The following GNG7 variants were observed in gnomAD, a reference collection of about 807,000 sequenced individuals.
GNG7 encodes the protein G protein subunit gamma 7.
A neutral mutation model predicts 4.0 loss-of-function variants in GNG7; 1 was observed. That is an observed-to-expected ratio of 0.25 (90% CI 0.09 to 1.18). GNG7 has a LOEUF of 1.18. GNG7 is among the 50% of genes most tolerant of loss of function. The probability of loss-of-function intolerance (pLI) is 0.50; values close to 1 mark genes in which losing one functional copy is unlikely to be tolerated. For synonymous variants in GNG7, 34 were observed against 36.9 expected (o/e 0.92, Z 0.29); for missense variants, 86 against 91.9 (o/e 0.94, Z 0.26).
intron 1 of GNG7, among the ~76,000 whole-genome samples, chr19:2,694,692 C>T (rs1003851029): frequency 3.9e-5 from 6 of 152,094 alleles, no homozygotes; most frequent in African/African-American, 1.2e-4. Flanking sequence ...TGTGTGCAGC[C>T]TCCTGGGACC....
rs1033057385 is a variant in GNG7 at position 2,561,241 on chromosome 19, G to T, written c.-77-6053C>A. Among the ~76,000 whole-genome samples, 8 of 152,254 alleles carry T rather than the reference G, an allele frequency of 5.3e-5. No homozygotes were observed. In the South Asian group the frequency reaches 1.5e-3, roughly 28 times the overall value. ...AACCAGGATGATTCTGCTCCCAGGG[G>T]ATGCTGGGCCATGTCTGGGGACATC... On this transcript the variant is annotated intron_variant, in intron 2 of 4. Transcript: ENST00000382159.
intron 2 of GNG7, among the ~76,000 whole-genome samples, chr19:2,622,228 C>T (rs1208331094): frequency 1.3e-5 from 2 of 152,048 alleles, no homozygotes; most frequent in Admixed American, 6.6e-5. Flanking sequence ...TACAGGCGCC[C>T]GCCACCACAC....
intron 2 of GNG7, among the ~76,000 whole-genome samples, chr19:2,603,897 C>A (rs922799377): frequency 6.6e-6 from 1 of 151,878 alleles, no homozygotes; most frequent in African/African-American, 2.4e-5. Context: ...GTCACCCAGG[C>A]TGGAGTGCAG....
chr19:2,625,873 C>T lies in GNG7; in HGVS notation c.-78+20351G>A, dbSNP rs145010700. The stretch of plus-strand genomic sequence containing the variant: ...TGCTCACTGATGCTCACCGCAACTC[C>T]GCCTCCCGGGTTCAAGCGATTCTCC... On this transcript the variant is annotated intron_variant, in intron 2 of 4. Coordinates refer to ENST00000382159, the MANE Select transcript of GNG7 (RefSeq NM_052847.3). 2.5e-3 allele frequency among the ~76,000 whole-genome samples: 377 copies of T among 152,226 alleles called. 2 individuals carry two copies. Among genetic ancestry groups the T allele is most frequent in the Non-Finnish European group, 4.0e-3 (271 of 68,000 alleles).
At chr19:2,699,601 A>C (rs1913351567) in intron 1 of GNG7, among the ~76,000 whole-genome samples, 1 of 152,170 alleles carries the variant, frequency 6.6e-6, no homozygotes, top group Non-Finnish European at 1.5e-5. Flanking sequence ...TAAAGGAGAA[A>C]ATAAATCAGT....
intron 2 of GNG7, among the ~76,000 whole-genome samples, chr19:2,581,307 C>T (rs933644951): frequency 7.6e-4 from 5 of 6,598 alleles, no homozygotes; most frequent in Non-Finnish European, 1.2e-3. Flanking sequence ...GGGGGGGCCG[C>T]GGGGGTGGAG....
At chr19:2,600,074 T>C (rs1354111994) in intron 2 of GNG7, among the ~76,000 whole-genome samples, 2 of 150,914 alleles carry the variant, frequency 1.3e-5, no homozygotes, top group East Asian at 3.9e-4. Flanking sequence ...AATAAATATA[T>C]ATAAATATGA....
chr19:2,696,618 A>T (rs1360091695), intron 1 of GNG7, among the ~76,000 whole-genome samples: 1 of 152,234 alleles, frequency 6.6e-6, no homozygotes, highest in Non-Finnish European at 1.5e-5. Flanking sequence ...GCACCGGAAC[A>T]CGACTCAGCC....
intron 3 of GNG7, among the ~76,000 whole-genome samples, chr19:2,540,747 C>A (rs977008487): frequency 2.6e-5 from 4 of 152,200 alleles, no homozygotes; most frequent in Non-Finnish European, 4.4e-5. Context: ...CCCGGGGAGA[C>A]CTGCCGGAGC....
At chr19:2,568,686 TACAC>T (rs1000968893) in intron 2 of GNG7, among the ~76,000 whole-genome samples, 8 of 148,468 alleles carry the variant, frequency 5.4e-5, no homozygotes, top group South Asian at 4.3e-4. Context: ...TATATACACA[TACAC>T]ACATACATAA....
chr19:2,585,344 T>C (rs915439083), intron 2 of GNG7, among the ~76,000 whole-genome samples: 1 of 152,160 alleles, frequency 6.6e-6, no homozygotes, highest in African/African-American at 2.4e-5. Flanking sequence ...TATATAGATA[T>C]ATACATACAT....
At chr19:2,625,976 T>C (rs111315360) in intron 2 of GNG7, among the ~76,000 whole-genome samples, 11,179 of 151,668 alleles carry the variant, frequency 0.074, 482 homozygotes, top group African/African-American at 0.13. Context: ...TTAGTAGAGA[T>C]GGGGTTTCAC....
At chr19:2,664,671 G>A (rs969249271) in intron 1 of GNG7, among the ~76,000 whole-genome samples, 3 of 152,192 alleles carry the variant, frequency 2.0e-5, no homozygotes, top group African/African-American at 7.2e-5. Context: ...GATGGCCCCG[G>A]CTGACACCGT....
At chr19:2,586,437 G>C (rs185734234) in intron 2 of GNG7, among the ~76,000 whole-genome samples, 33 of 152,298 alleles carry the variant, frequency 2.2e-4, no homozygotes, top group African/African-American at 7.9e-4. Context: ...GGGATGGCGC[G>C]TCTGGCTTGG....
intron 2 of GNG7, among the ~76,000 whole-genome samples, chr19:2,582,278 G>C (rs1980524671): frequency 6.6e-6 from 1 of 152,102 alleles, no homozygotes; most frequent in Admixed American, 6.5e-5. Flanking sequence ...TGGGAAGCTG[G>C]ATGAAAGGTG....
In GNG7 at chr19:2,594,855, C is replaced by T. The variant is rs573081172; in HGVS notation, c.-77-39667G>A. ...TTTAATGGCCCGGCGTGGTGGCTCA[C>T]GTCTGTAATCCCAGCCCTTTGGGAG... On this transcript the variant is annotated intron_variant, in intron 2 of 4. Coordinates refer to ENST00000382159, the MANE Select transcript of GNG7 (RefSeq NM_052847.3). Among the ~76,000 whole-genome samples the T allele has an allele frequency of 4.6e-5, 7 of 152,130 alleles. No homozygotes were observed. The South Asian group carries it at 1.2e-3, about 27-fold the overall frequency.
In GNG7 at chr19:2,514,624, C is replaced by T. The variant is rs538259575; in HGVS notation, c.*398G>A. On this transcript the variant is annotated 3_prime_UTR_variant, in exon 5 of 5. Transcript: ENST00000382159. The stretch of plus-strand genomic sequence containing the variant: ...CCAATTCTCCCGGAACTATTGCCAC[C>T]GGGCGAAGTCACCTCCCTTTCCCCC... 3.3e-4 allele frequency: 54 copies of T among 162,412 alleles called. No homozygotes were observed. The South Asian group carries it at 4.5e-3, about 14-fold the overall frequency. The allele number at this position is 162,412 out of a possible 1,614,324, so 10.1% of individuals were successfully genotyped here. A position where few individuals can be genotyped will look rare whatever the true frequency, so the allele number is the denominator to read the frequency against.
At chr19:2,652,419 A>G (rs926758555) in intron 1 of GNG7, among the ~76,000 whole-genome samples, 6 of 151,872 alleles carry the variant, frequency 4.0e-5, no homozygotes, top group African/African-American at 1.5e-4. Flanking sequence ...TGGGAGTTCA[A>G]GACCAGCCTG....
intron 1 of GNG7, among the ~76,000 whole-genome samples, chr19:2,655,774 G>C (rs936094875): frequency 6.7e-6 from 1 of 149,290 alleles, no homozygotes; most frequent in African/African-American, 2.5e-5. Flanking sequence ...GGGAGGTGGA[G>C]CTTGCAGTGA....
Sources: gnomAD v4.1 joint callset for allele counts (sites outside exome capture counted in the v4.1 genomes callset) on GRCh38, gnomAD v4.1.1 for gene constraint, MANE v1.5 for transcripts, NCBI Gene and HGNC (gene_info 2026-07-23, HGNC 2026-07-21) for gene names.